Variants in CFAP61 observed in about 807,000 individuals in gnomAD.
CFAP61 encodes cilia and flagella associated protein 61, also known as cilia- and flagella-associated protein 61.
In CFAP61, 107 loss-of-function variants were observed where a neutral mutation model predicts 135.6. The observed-to-expected ratio is 0.79, with a 90% CI of 0.67 to 0.93. The LOEUF is 0.93. CFAP61 is among the 40% of genes least tolerant of loss of function. CFAP61 has a pLI of 0.00. For missense variants in CFAP61, 1,507 were observed against 1,556.2 expected, an observed-to-expected ratio of 0.97 and a Z score of 0.53; for synonymous variants, 575 against 578.5, an observed-to-expected ratio of 0.99 and a Z score of 0.09.
At chr20:20,265,635 C>T in intron 21 of CFAP61, 1 of 665,960 alleles carries the variant, frequency 1.5e-6, no homozygotes, top group Non-Finnish European at 2.7e-6. Context: ...GTGATTTTCT[C>T]CAGGTCTGGT....
intron 21 of CFAP61, among the ~76,000 whole-genome samples, chr20:20,269,624 C>T (rs2424304): frequency 6.6e-6 from 1 of 151,994 alleles, no homozygotes; most frequent in African/African-American, 2.4e-5. Flanking sequence ...CTCCCGCCTT[C>T]GCCTCCCGAA....
At chr20:20,107,084 G>A (rs1282709618) in intron 8 of CFAP61, among the ~76,000 whole-genome samples, 1 of 152,074 alleles carries the variant, frequency 6.6e-6, no homozygotes, top group East Asian at 1.9e-4. Context: ...GATTAAATTG[G>A]CCATCAGTGG....
rs547471349 is a variant in CFAP61, at chr20:20,176,415, C to T, written c.1385+6955C>T. Among the ~76,000 whole-genome samples, 504 of 147,218 alleles carry T rather than the reference C, an allele frequency of 3.4e-3. 5 individuals carry two copies. Among genetic ancestry groups the T allele is most frequent in the South Asian group, 0.031 (142 of 4,636 alleles). Reference sequence around the variant, plus strand: ...ATGCACGCATATGTTCATTGCGCACCGTTCATACTTGCAAAGACATGGAAT... The same window carrying T: ...ATGCACGCATATGTTCATTGCGCACTGTTCATACTTGCAAAGACATGGAAT... On this transcript the variant is annotated intron_variant, in intron 13 of 26. Coordinates refer to ENST00000245957, the MANE Select transcript of CFAP61 (RefSeq NM_015585.4).
intron 16 of CFAP61, 25 bp downstream of exon 16, chr20:20,196,801 T>C (rs756677855): frequency 1.9e-6 from 3 of 1,581,438 alleles, no homozygotes; most frequent in Non-Finnish European, 2.6e-6. Flanking sequence ...CAATTCACTT[T>C]CCCAGCAGGT....
In CFAP61 at chr20:20,177,565, C is replaced by T. The variant is rs1439461201; in HGVS notation, c.1385+8105C>T. On this transcript the variant is annotated intron_variant, in intron 13 of 26. Coordinates refer to ENST00000245957, the MANE Select transcript of CFAP61 (RefSeq NM_015585.4). ...CTTCCCAGAGACCCCAGCAAAGCCC[C>T]CTCATTCATCCAGTAAAATCCACAG... Among the ~76,000 whole-genome samples the T allele has an allele frequency of 2.0e-5, 3 of 151,670 alleles. No homozygotes were observed. The East Asian group carries it at 5.8e-4, about 29-fold the overall frequency.
At chr20:20,175,477 GTTTTTTTTTT>G (rs57288205) in intron 13 of CFAP61, among the ~76,000 whole-genome samples, 35 of 145,696 alleles carry the variant, frequency 2.4e-4, no homozygotes, top group Admixed American at 1.4e-3. Context: ...GGGGCTTCTG[GTTTTTTTTTT>G]GTTTTTGTTT....
At chr20:20,251,488 G>A (rs534319130) in intron 19 of CFAP61, 107 bp from the exon 20 acceptor site, 1 of 990,252 alleles carries the variant, frequency 1.0e-6, no homozygotes, top group South Asian at 1.5e-5. Flanking sequence ...CTCACAGCAA[G>A]AGCACGGACT....
At chr20:20,358,031 C>T (rs1164126083) in intron 26 of CFAP61, among the ~76,000 whole-genome samples, 2,263 of 124,828 alleles carry the variant, frequency 0.018, 12 homozygotes, top group Non-Finnish European at 0.026. Flanking sequence ...GAGGTGGTCA[C>T]ACTGAGGAGA....
chr20:20,260,537 T>A (rs1424109393), intron 20 of CFAP61, among the ~76,000 whole-genome samples: 1 of 152,262 alleles, frequency 6.6e-6, no homozygotes, highest in Non-Finnish European at 1.5e-5. Context: ...TTAATTGCTC[T>A]TATTCTTTAT....
At chr20:20,147,792 G>A (rs2052024157) in intron 9 of CFAP61, among the ~76,000 whole-genome samples, 1 of 151,848 alleles carries the variant, frequency 6.6e-6, no homozygotes, top group African/African-American at 2.4e-5. Flanking sequence ...TTTTGCATTT[G>A]CTTTTGGGGT....
At chr20:20,151,642 C>T (rs531777220) in intron 9 of CFAP61, among the ~76,000 whole-genome samples, 147 of 151,678 alleles carry the variant, frequency 9.7e-4, no homozygotes, top group Admixed American at 4.5e-3. Context: ...CTGACTAACA[C>T]AGTGAAACCC....
chr20:20,091,036 G>A, intron 7 of CFAP61, 60 bp downstream of exon 7: 1 of 1,589,592 alleles, frequency 6.3e-7, no homozygotes, highest in Non-Finnish European at 8.6e-7. Flanking sequence ...TGTGAGTGGT[G>A]TTGCTCTTGC....
chr20:20,060,183 A>G (rs536971114), intron 2 of CFAP61, among the ~76,000 whole-genome samples: 2 of 152,286 alleles, frequency 1.3e-5, no homozygotes, highest in South Asian at 2.1e-4. Context: ...TCAATAGTGG[A>G]GAGAAAAATA....
intron 8 of CFAP61, among the ~76,000 whole-genome samples, chr20:20,138,350 A>G: frequency 6.6e-6 from 1 of 152,204 alleles, no homozygotes; most frequent in Non-Finnish European, 1.5e-5. Context: ...TTAGGACCCC[A>G]GAGCACTTTT....
At chr20:20,332,718 GA>G (rs2058047763) in intron 25 of CFAP61, among the ~76,000 whole-genome samples, 1 of 152,122 alleles carries the variant, frequency 6.6e-6, no homozygotes, top group South Asian at 2.1e-4. Flanking sequence ...GGGCTCAAGT[GA>G]TCCTCCTGCC....
chr20:20,345,373 A>G (rs78589750), intron 26 of CFAP61, among the ~76,000 whole-genome samples: 6,911 of 152,326 alleles, frequency 0.045, 202 homozygotes, highest in Middle Eastern at 0.082. Context: ...TGTACTCCAT[A>G]AATATACACA....
At chr20:20,055,910 G>T in intron 1 of CFAP61, 1 of 1,465,394 alleles carries the variant, frequency 6.8e-7, no homozygotes, top group South Asian at 1.1e-5. Context: ...CAGAAATTGA[G>T]ACAATGAGAG....
At position 20,105,443 on chromosome 20, in the gene CFAP61, T is replaced by A. The variant is rs181807802; in HGVS notation, c.859+6629T>A. ...CCATTTTCTCATTGTGATCTGGGCT[T>A]TGAGCATCTCAGTTCTCCCTCCTCC... On this transcript the variant is annotated intron_variant, in intron 8 of 26. Coordinates refer to ENST00000245957, the MANE Select transcript of CFAP61 (RefSeq NM_015585.4). Among the ~76,000 whole-genome samples, 45 of 152,222 alleles carry A rather than the reference T, an allele frequency of 3.0e-4. No individual in the cohort carries two copies. In the East Asian group the frequency reaches 6.0e-3, roughly 20 times the overall value.
intron 21 of CFAP61, among the ~76,000 whole-genome samples, chr20:20,264,113 T>C (rs2052495613): frequency 6.6e-6 from 1 of 152,180 alleles, no homozygotes; most frequent in South Asian, 2.1e-4. Flanking sequence ...ATTTACTACA[T>C]TCAACATTTT....
Sources: gnomAD v4.1 joint callset for allele counts (sites outside exome capture counted in the v4.1 genomes callset) on GRCh38, gnomAD v4.1.1 for gene constraint, MANE v1.5 for transcripts, NCBI Gene and HGNC (gene_info 2026-07-23, HGNC 2026-07-21) for gene names.